CSMD1: variants seen among roughly 807,000 people sequenced by gnomAD.
CSMD1 encodes the protein CUB and sushi domain-containing protein 1.
Under a neutral mutation model 417.5 loss-of-function variants are expected in CSMD1, and 213 were observed. The ratio of observed to expected loss-of-function variants is 0.51; its 90% CI spans 0.46 to 0.57. The LOEUF (loss-of-function observed/expected upper bound fraction) is 0.57, where lower values mean the gene tolerates loss of function less well. Ranked by LOEUF, CSMD1 falls within the 20% of genes least tolerant of loss-of-function variation. The pLI is 0.00. For synonymous variants in CSMD1, 2,862 were observed against 1,736.8 expected (o/e 1.65, Z -16.11); for missense variants, 6,923 against 4,529.7 (o/e 1.53, Z -15.17).
intron 3 of CSMD1, among the ~76,000 whole-genome samples, chr8:4,070,450 C>T (rs372560463): frequency 2.0e-4 from 31 of 151,958 alleles, no homozygotes; most frequent in African/African-American, 5.1e-4. Context: ...CTCCGCCTCC[C>T]GGGTTCACAC....
At chr8:3,609,932 G>T in intron 8 of CSMD1, among the ~76,000 whole-genome samples, 1 of 144,146 alleles carries the variant, frequency 6.9e-6, no homozygotes. Context: ...CTCCCAAGTA[G>T]CTGGGACTAC....
chr8:4,333,478 A>G (rs986183694), intron 3 of CSMD1, among the ~76,000 whole-genome samples: 4 of 152,290 alleles, frequency 2.6e-5, no homozygotes, highest in African/African-American at 7.2e-5. Context: ...CTTGGAAATT[A>G]TATTAGTATG....
intron 1 of CSMD1, among the ~76,000 whole-genome samples, chr8:4,786,464 T>C (rs1001343872): frequency 7.2e-5 from 11 of 152,236 alleles, no homozygotes; most frequent in Non-Finnish European, 1.6e-4. Context: ...TGATTCTCTG[T>C]TGAACACCAC....
intron 1 of CSMD1, among the ~76,000 whole-genome samples, chr8:4,930,216 T>C (rs961820729): frequency 6.6e-6 from 1 of 152,186 alleles, no homozygotes; most frequent in African/African-American, 2.4e-5. Context: ...GCAATCAATG[T>C]CCTTTCACAT....
intron 2 of CSMD1, among the ~76,000 whole-genome samples, chr8:4,563,517 G>A (rs996443787): frequency 6.6e-6 from 1 of 152,104 alleles, no homozygotes; most frequent in South Asian, 2.1e-4. Context: ...TACCTGCCCT[G>A]CCCCACGCAC....
At chr8:4,390,224 C>G (rs1309325366) in intron 3 of CSMD1, among the ~76,000 whole-genome samples, 1 of 152,132 alleles carries the variant, frequency 6.6e-6, no homozygotes, top group Non-Finnish European at 1.5e-5. Flanking sequence ...CAGGTTTCCT[C>G]TTTTGTGCCT....
chr8:4,583,171 C>T (rs531235648), intron 2 of CSMD1, among the ~76,000 whole-genome samples: 5 of 152,306 alleles, frequency 3.3e-5, no homozygotes, highest in East Asian at 3.9e-4. Context: ...CTCTGCTCCA[C>T]GGCACCCAGT....
rs533252507 is a variant in CSMD1, at chr8:3,985,211, T to G, written c.818+12692A>C. 7.2e-5 allele frequency among the ~76,000 whole-genome samples: 11 copies of G among 152,310 alleles called. No homozygotes were observed. In the South Asian group the frequency reaches 2.1e-3, roughly 29 times the overall value. On this transcript the variant is annotated intron_variant, in intron 5 of 69. Transcript: ENST00000635120. ...AGTTTGTGGTAAACTAGAAGGTATC[T>G]GAGAAGCATTGACGGGTTATAAATT...
intron 2 of CSMD1, among the ~76,000 whole-genome samples, chr8:4,562,319 G>A (rs1019096753): frequency 1.3e-5 from 2 of 152,184 alleles, no homozygotes; most frequent in Non-Finnish European, 2.9e-5. Flanking sequence ...CAAGGTCAGT[G>A]GGAGGCCCCC....
At chr8:3,241,244 G>T (rs1344935214) in intron 26 of CSMD1, among the ~76,000 whole-genome samples, 1 of 150,380 alleles carries the variant, frequency 6.6e-6, no homozygotes, top group Non-Finnish European at 1.5e-5. Context: ...AAAGAGTATT[G>T]TCTAAGCTGG....
rs1800473194 is a variant in CSMD1 at position 3,695,088 on chromosome 8, G to GTGTGTGTGTGTGTGTGTC, written c.1009+13325_1009+13326insGACACACACACACACACA. 9.1e-3 allele frequency among the ~76,000 whole-genome samples: 14 copies of GTGTGTGTGTGTGTGTGTC among 1,536 alleles called. No individual in the cohort carries two copies. In the Admixed American group the frequency reaches 0.14, roughly 16 times the overall value. 1.0% of individuals were successfully genotyped at this position (1,536 alleles called of 152,430 possible). ...ATCACAAAAGAATTGGAGGCCCTGC[G>GTGTGTGTGTGTGTGTGTC]TGTGTGTGTGTGTGTGTGTGTGTGT... On this transcript the variant is annotated intron_variant, in intron 7 of 69. Coordinates refer to ENST00000635120, the MANE Select transcript of CSMD1 (RefSeq NM_033225.6).
intron 25 of CSMD1, chr8:3,284,549 G>A (rs1803000517): frequency 3.5e-6 from 2 of 574,582 alleles, no homozygotes; most frequent in East Asian, 5.9e-5. Flanking sequence ...AAGCACACAG[G>A]ACCTCAGTCT....
chr8:4,111,627 G>A (rs942654053), intron 3 of CSMD1, among the ~76,000 whole-genome samples: 1 of 152,154 alleles, frequency 6.6e-6, no homozygotes, highest in Non-Finnish European at 1.5e-5. Flanking sequence ...TAGGGACGTG[G>A]ATGGAGTTAG....
chr8:4,854,660 C>G (rs1801688071), intron 1 of CSMD1, among the ~76,000 whole-genome samples: 1 of 152,110 alleles, frequency 6.6e-6, no homozygotes, highest in African/African-American at 2.4e-5. Flanking sequence ...ACGGACAGCA[C>G]CTGGAAAATC....
At chr8:3,230,317 GCA>G in intron 26 of CSMD1, 86 bp from the exon 27 acceptor site, 3 of 1,110,332 alleles carry the variant, frequency 2.7e-6, no homozygotes, top group Non-Finnish European at 3.7e-6. Flanking sequence ...GTGGGTTGAA[GCA>G]CTCTTCATTG....
intron 4 of CSMD1, among the ~76,000 whole-genome samples, chr8:4,013,084 C>A (rs1177898139): frequency 6.6e-6 from 1 of 152,096 alleles, no homozygotes; most frequent in Non-Finnish European, 1.5e-5. Context: ...CCAGAGTAAT[C>A]CTCTCAAATG....
At chr8:4,343,164 G>A (rs1456418625) in intron 3 of CSMD1, among the ~76,000 whole-genome samples, 2 of 152,018 alleles carry the variant, frequency 1.3e-5, no homozygotes, top group South Asian at 2.1e-4. Context: ...CAATGTATTT[G>A]GTAAAATACA....
intron 3 of CSMD1, among the ~76,000 whole-genome samples, chr8:4,059,326 C>T (rs1798852975): frequency 1.2e-5 from 1 of 83,842 alleles, no homozygotes; most frequent in South Asian, 4.1e-4. Flanking sequence ...ACTAAATGTC[C>T]ACAAGAGAAA....
At chr8:3,773,108 T>C (rs1478763094) in intron 5 of CSMD1, among the ~76,000 whole-genome samples, 1 of 152,146 alleles carries the variant, frequency 6.6e-6, no homozygotes, top group Non-Finnish European at 1.5e-5. Context: ...GAGGGCTCTG[T>C]CCTCACAACC....
Sources: allele counts gnomAD v4.1 joint callset (sites outside exome capture counted in the v4.1 genomes callset), GRCh38; gene constraint gnomAD v4.1.1; transcripts MANE v1.5; gene names NCBI Gene and HGNC (gene_info 2026-07-23, HGNC 2026-07-21).